The following NEK10 variants were observed in gnomAD, a reference collection of about 807,000 sequenced individuals.
NEK10 encodes NIMA related kinase 10, also known as serine/threonine-protein kinase Nek10.
Under a neutral mutation model 159.8 loss-of-function variants are expected in NEK10, and 122 were observed. The ratio of observed to expected loss-of-function variants is 0.76; its 90% confidence interval spans 0.66 to 0.89. The LOEUF is 0.89. Ranked by LOEUF, NEK10 falls within the 40% of genes least tolerant of loss-of-function variation. The pLI, the probability that NEK10 is intolerant of heterozygous loss-of-function variation, is 0.00. For missense variants in NEK10, 1,342 were observed against 1,323.1 expected (o/e 1.01, Z -0.22); for synonymous variants, 466 against 457.1 (o/e 1.02, Z -0.25).
At chr3:27,126,064 G>T (rs1411475894) in intron 32 of NEK10, among the ~76,000 whole-genome samples, 1 of 152,178 alleles carries the variant, frequency 6.6e-6, no homozygotes, top group Non-Finnish European at 1.5e-5. Context: ...CCTAATAAGG[G>T]TTGTGCAAAC....
At chr3:27,170,002 C>G (rs1030489609) in intron 29 of NEK10, among the ~76,000 whole-genome samples, 1 of 152,198 alleles carries the variant, frequency 6.6e-6, no homozygotes, top group South Asian at 2.1e-4. Flanking sequence ...CCAAAAATGT[C>G]TCCTTTATAG....
Position 27,116,126 on chromosome 3 carries a change from A to C in NEK10, c.3192T>G (p.Gly1064=), listed in dbSNP as rs772753249. 6.2e-7 allele frequency: 1 copy of C among 1,613,280 alleles called. No individual in the cohort carries two copies. Among genetic ancestry groups the C allele is most frequent in the South Asian group, 1.1e-5 (1 of 91,038 alleles). The change falls in exon 34 of 36, where the codon GGT becomes GGG. Residue 1064 remains glycine (G), a splice_region_variant and synonymous_variant. Coordinates refer to ENST00000691995, the MANE Select transcript of NEK10 (RefSeq NM_001394966.1). ...CCTCCAATTCAATGCTGGTTGGTAA[A>C]CCTAAAAAAGATAAATTATGGAAAG... ...GNSLSPNDPT[G]LPTSIELEEG...
intron 31 of NEK10, among the ~76,000 whole-genome samples, chr3:27,141,181 G>T (rs1225339085): frequency 6.6e-6 from 1 of 152,098 alleles, no homozygotes; most frequent in African/African-American, 2.4e-5. Context: ...TAAGAGCAAA[G>T]AATCCCAACT....
intron 25 of NEK10, among the ~76,000 whole-genome samples, chr3:27,193,414 T>C (rs1295547550): frequency 6.6e-6 from 1 of 152,124 alleles, no homozygotes; most frequent in Non-Finnish European, 1.5e-5. Context: ...ATAGTTCTCA[T>C]GGTCCAATAG....
chr3:27,364,029 A>G (rs1179906332), intron 1 of NEK10, among the ~76,000 whole-genome samples: 2 of 151,930 alleles, frequency 1.3e-5, no homozygotes, highest in African/African-American at 2.4e-5. Context: ...ACCTCTTTAG[A>G]ACCGTCAACA....
chr3:27,214,962 C>G, intron 23 of NEK10: 3 of 793,374 alleles, frequency 3.8e-6, no homozygotes, highest in Non-Finnish European at 6.7e-6. Context: ...CAGTGCCTAT[C>G]TTCACGACCA....
intron 22 of NEK10, among the ~76,000 whole-genome samples, chr3:27,273,469 T>C (rs547481950): frequency 6.6e-6 from 1 of 152,284 alleles, no homozygotes; most frequent in South Asian, 2.1e-4. Context: ...TCTCTAAACC[T>C]TTTTCACTAT....
chr3:27,322,119 A>G (rs1418031560), intron 6 of NEK10, 58 bp downstream of exon 6: 5 of 857,642 alleles, frequency 5.8e-6, no homozygotes, highest in Non-Finnish European at 9.3e-6. Context: ...AAAGCCCACC[A>G]GTCTTTTATT....
intron 26 of NEK10, among the ~76,000 whole-genome samples, chr3:27,178,902 T>C (rs1052562971): frequency 6.6e-6 from 1 of 152,224 alleles, no homozygotes; most frequent in African/African-American, 2.4e-5. Flanking sequence ...CAGTGGTAGA[T>C]GGAAATCTTT....
At chr3:27,326,123 G>T (rs143092627) in intron 5 of NEK10, among the ~76,000 whole-genome samples, 83 of 152,280 alleles carry the variant, frequency 5.5e-4, no homozygotes, top group African/African-American at 2.0e-3. Flanking sequence ...AATACATTTT[G>T]AACTCAAAAT....
At chr3:27,366,960 G>A (rs775901575) in intron 1 of NEK10, among the ~76,000 whole-genome samples, 19 of 151,926 alleles carry the variant, frequency 1.3e-4, no homozygotes, top group African/African-American at 1.9e-4. Flanking sequence ...ACAGGTGTGC[G>A]CCACCATGCC....
chr3:27,247,824 T>TC (rs200191235), intron 23 of NEK10, among the ~76,000 whole-genome samples: 68 of 150,338 alleles, frequency 4.5e-4, no homozygotes, highest in Admixed American at 1.9e-3. Flanking sequence ...TCTTTTCTTT[T>TC]TTTTTTTTTT....
chr3:27,322,311 G>A (rs941281935), intron 5 of NEK10, 50 bp from the exon 6 acceptor site: 1 of 1,134,708 alleles, frequency 8.8e-7, no homozygotes, highest in Non-Finnish European at 1.3e-6. Flanking sequence ...TCCCAGTGTG[G>A]CAATTCATAA....
chr3:27,167,620 G>A (rs1009821160), intron 29 of NEK10, among the ~76,000 whole-genome samples: 2 of 152,060 alleles, frequency 1.3e-5, no homozygotes, highest in Non-Finnish European at 2.9e-5. Flanking sequence ...TATGAAACTC[G>A]CATAAAAACT....
At chr3:27,346,456 T>G (rs954212824) in intron 3 of NEK10, among the ~76,000 whole-genome samples, 5 of 152,226 alleles carry the variant, frequency 3.3e-5, no homozygotes, top group African/African-American at 7.2e-5. Context: ...TATCTGACAG[T>G]TATTTATGTA....
chr3:27,265,557 T>C (rs2040817255), intron 22 of NEK10: 1 of 152,204 alleles, frequency 6.6e-6, no homozygotes, highest in Admixed American at 6.5e-5. Flanking sequence ...ATGTATTTAT[T>C]TGCCATCTGG....
intron 26 of NEK10, among the ~76,000 whole-genome samples, chr3:27,181,696 T>C (rs1948122088): frequency 6.6e-6 from 1 of 152,202 alleles, no homozygotes; most frequent in Non-Finnish European, 1.5e-5. Context: ...TTTTTGTTCA[T>C]AGCACTTAAA....
At chr3:27,120,648 A>G (rs1279165187) in intron 32 of NEK10, among the ~76,000 whole-genome samples, 1 of 151,994 alleles carries the variant, frequency 6.6e-6, no homozygotes. Context: ...TTCTTAATAC[A>G]TTTTTCGAAA....
intron 22 of NEK10, among the ~76,000 whole-genome samples, chr3:27,270,435 G>T (rs575868795): frequency 1.3e-4 from 20 of 152,256 alleles, no homozygotes; most frequent in African/African-American, 4.8e-4. Flanking sequence ...ACAGCCTCAT[G>T]AGAAACCCTA....
Sources: gnomAD v4.1 joint callset for allele counts (sites outside exome capture counted in the v4.1 genomes callset) on GRCh38, gnomAD v4.1.1 for gene constraint, MANE v1.5 for transcripts, NCBI Gene and HGNC (gene_info 2026-07-23, HGNC 2026-07-21) for gene names.